SPEG: variants seen among roughly 807,000 people sequenced by gnomAD.
SPEG encodes striated muscle preferentially expressed protein kinase.
In SPEG, 114 loss-of-function variants were observed where a neutral mutation model predicts 300.4. The observed-to-expected ratio is 0.38, with a 90% CI of 0.33 to 0.44. SPEG has a LOEUF of 0.44. Among genes scored for constraint, SPEG ranks in the 20% least tolerant of loss-of-function variants. SPEG has a pLI of 1.00. For missense variants in SPEG, 4,201 were observed against 4,586.2 expected, an observed-to-expected ratio of 0.92 and a Z score of 2.43; for synonymous variants, 1,964 against 2,018.9, an observed-to-expected ratio of 0.97 and a Z score of 0.73.
intron 6 of SPEG, chr2:219,461,092 C>G: frequency 1.1e-6 from 1 of 902,570 alleles, no homozygotes; most frequent in African/African-American, 1.8e-5. Flanking sequence ...ATTTGGCAGT[C>G]GGATAGGAGC....
At position 219,467,265 on chromosome 2, in the gene SPEG, G is replaced by A. The variant is rs1034990892; in HGVS notation, c.2973G>A (p.Val991=). ...AGEMALFECL[V]AGPTDVEVDW... ...AGATGGCGCTGTTTGAGTGCCTGGT[G>A]GCGGGGCCCACTGACGTGGAGGTGG... The change falls in exon 10 of 41, where the codon GTG becomes GTA. Residue 991 remains valine, a synonymous_variant. Transcript: ENST00000312358. The A allele has an allele frequency of 1.9e-6, 3 of 1,608,512 alleles. No homozygotes were observed. Among genetic ancestry groups the A allele is most frequent in the African/African-American group, 2.7e-5 (2 of 74,934 alleles).
At position 219,483,105 on chromosome 2, in the gene SPEG, A is replaced by T. The variant is rs781506501; in HGVS notation, c.5642A>T (p.Gln1881Leu). 6.2e-7 allele frequency: 1 copy of T among 1,606,602 alleles called. No individual in the cohort carries two copies. The highest frequency in any genetic ancestry group is 8.5e-7 in the Non-Finnish European group (1 of 1,179,008). The change falls in exon 30 of 41, where the codon CAG (glutamine) becomes CTG (leucine). Residue 1881 changes from glutamine to leucine, a missense_variant. Physicochemically the swap from Gln to Leu is moderately radical, Grantham distance 113. This residue lies in a region of SPEG where 1,578 missense variants were observed against 1,506.0 expected (regional missense o/e 1.05). Transcript: ENST00000312358. ...CCAGTACCCTGTCTCCAGCGCTCCC[A>T]GATCAGCTACAAATGCCACCTGGTG... Reference protein sequence around the residue: ...FLSRRRWQRSQISYKCHLVLR... With the variant: ...FLSRRRWQRSLISYKCHLVLR...
Position 219,465,947 on chromosome 2 carries a change from G to T in SPEG, c.2882-1227G>T. 7 of 898,040 alleles carry T rather than the reference G, an allele frequency of 7.8e-6. No individual in the cohort carries two copies. In the South Asian group the frequency reaches 8.8e-5, roughly 11 times the overall value. 55.6% of individuals were successfully genotyped at this position (898,040 alleles called of 1,614,324 possible). A position where few individuals can be genotyped will look rare whatever the true frequency, so the allele number is the denominator to read the frequency against. ...TGCGCGCGTGTGCGTGCACGTGTGCGTGCATGTGTGCGTGTGCATGCGTGT... is the reference window on the plus strand; with the variant it reads ...TGCGCGCGTGTGCGTGCACGTGTGCTTGCATGTGTGCGTGTGCATGCGTGT... On this transcript the variant is annotated intron_variant, in intron 9 of 40. Transcript: ENST00000312358.
rs1575155090 is a variant in SPEG at position 219,479,254 on chromosome 2, G to C, written c.5085+53G>C. Reference sequence around the variant, plus strand: ...GTTGGGCACCAGCCTTCACCCACCTGAGCTTTGAGAACCAACAAATGGGTC... The same window carrying C: ...GTTGGGCACCAGCCTTCACCCACCTCAGCTTTGAGAACCAACAAATGGGTC... On this transcript the variant is annotated intron_variant, in intron 23 of 40. Transcript: ENST00000312358. The surrounding 1 kb of genome is among the most constrained non-coding windows in gnomAD (Gnocchi z 5.5). 2.6e-6 allele frequency: 4 copies of C among 1,512,890 alleles called. No homozygotes were observed. In the East Asian group the frequency reaches 9.0e-5, roughly 34 times the overall value. 93.7% of individuals were successfully genotyped at this position (1,512,890 alleles called of 1,614,324 possible).
chr2:219,440,629 C>T (rs1954838306), intron 1 of SPEG, among the ~76,000 whole-genome samples: 1 of 151,540 alleles, frequency 6.6e-6, no homozygotes, highest in Non-Finnish European at 1.5e-5. Flanking sequence ...CTCTGTCACC[C>T]AGGTTGGAGT....
chr2:219,467,181 T>C lies in SPEG; in HGVS notation c.2889T>C (p.Pro963=). 1 of 1,577,698 alleles carries C rather than the reference T, an allele frequency of 6.3e-7. No homozygotes were observed. Among genetic ancestry groups the C allele is most frequent in the South Asian group, 1.1e-5 (1 of 87,526 alleles). The change falls in exon 10 of 41, where the codon CCT becomes CCC. Residue 963 remains proline (P), a synonymous_variant. Transcript: ENST00000312358. ...CEARLEVRAH[P]ESRSLAVLAP... is the part of the protein sequence containing the mutation. ...TGGCTGCTTTCCCCTCAGCACACCC[T>C]GAAAGCCGGTCCCTGGCCGTGCTGG... is the stretch of plus-strand genomic sequence containing the variant.
At chr2:219,447,867 C>A (rs1689433470) in intron 3 of SPEG, 107 bp from the exon 4 acceptor site, 1 of 1,060,518 alleles carries the variant, frequency 9.4e-7, no homozygotes, top group Non-Finnish European at 1.4e-6. Context: ...GCCCATGTCA[C>A]CCCCAAGCCT....
chr2:219,480,086 T>C lies in SPEG; in HGVS notation c.5288T>C (p.Phe1763Ser). Residue 1763 changes from phenylalanine (F) to serine (S), a missense_variant, in exon 25 of 41, where the codon TTT becomes TCT. Phe to Ser is a radical substitution (Grantham distance 155). This residue lies in a region of SPEG where 1,047 missense variants were observed against 1,356.8 expected (regional missense o/e 0.77). Coordinates refer to ENST00000312358, the MANE Select transcript of SPEG (RefSeq NM_005876.5). This position sits in a 1 kb window ranked among gnomAD's most constrained non-coding sequence, Gnocchi z 5.3. ...TACTGCCAGTATGGCACACCTGAGTTTGTAGCACCCGAGATTGTCAATCAG... is the reference window on the plus strand; with the variant it reads ...TACTGCCAGTATGGCACACCTGAGTCTGTAGCACCCGAGATTGTCAATCAG... ...PQYCQYGTPE[F>S]VAPEIVNQSP... 6.2e-7 allele frequency: 1 copy of C among 1,613,914 alleles called. No homozygotes were observed. The highest frequency in any genetic ancestry group is 8.5e-7 in the Non-Finnish European group (1 of 1,180,002).
chr2:219,486,978 T>C (rs2125577400), intron 31 of SPEG, among the ~76,000 whole-genome samples: 1 of 152,198 alleles, frequency 6.6e-6, no homozygotes, highest in African/African-American at 2.4e-5. Context: ...TGCTGAGTAC[T>C]CCTCTTCTGC....
intron 10 of SPEG, among the ~76,000 whole-genome samples, chr2:219,467,936 C>G (rs1040464479): frequency 6.6e-5 from 10 of 152,240 alleles, no homozygotes; most frequent in Non-Finnish European, 1.2e-4. Flanking sequence ...TAATAAATGC[C>G]AGCCATTGTT....
intron 18 of SPEG, among the ~76,000 whole-genome samples, chr2:219,476,416 C>T (rs1692346123): frequency 1.3e-5 from 2 of 152,122 alleles, no homozygotes; most frequent in African/African-American, 4.8e-5. Context: ...AGCGGGTGGC[C>T]CTGTGAAGAA....
Position 219,477,886 on chromosome 2 carries a change from C to T in SPEG, c.4827-19C>T. ...CCACAGTGATGGCTGATCTCTGACCCCCTCCCTGTGTCAACCAGGGGTGCT... is the reference window on the plus strand; with the variant it reads ...CCACAGTGATGGCTGATCTCTGACCTCCTCCCTGTGTCAACCAGGGGTGCT... On this transcript the variant is annotated intron_variant, in intron 21 of 40. Transcript: ENST00000312358. This position sits in a 1 kb window ranked among gnomAD's most constrained non-coding sequence, Gnocchi z 6.4. The T allele has an allele frequency of 6.2e-7, 1 of 1,612,194 alleles. No homozygotes were observed. The highest frequency in any genetic ancestry group is 8.5e-7 in the Non-Finnish European group (1 of 1,178,572).
chr2:219,493,043 A>T lies in SPEG; in HGVS notation c.*257A>T, dbSNP rs962410659. 2.9e-6 allele frequency: 2 copies of T among 690,884 alleles called. No homozygotes were observed. Among genetic ancestry groups the T allele is most frequent in the African/African-American group, 3.5e-5 (2 of 57,016 alleles). 42.8% of individuals were successfully genotyped at this position (690,884 alleles called of 1,614,324 possible). A position where few individuals can be genotyped will look rare whatever the true frequency, so the allele number is the denominator to read the frequency against. Reference sequence around the variant, plus strand: ...GGGTGGGAACAGGCAGAGGGACAAGAGGGGAATGGAGAAGTGGAGAGGAAA... The same window carrying T: ...GGGTGGGAACAGGCAGAGGGACAAGTGGGGAATGGAGAAGTGGAGAGGAAA... On this transcript the variant is annotated 3_prime_UTR_variant, in exon 41 of 41. Transcript: ENST00000312358.
At position 219,446,975 on chromosome 2, in the gene SPEG, CT is replaced by C. The variant is rs61280107; in HGVS notation, c.816-983del. On this transcript the variant is annotated intron_variant, in intron 3 of 40. Coordinates refer to ENST00000312358, the MANE Select transcript of SPEG (RefSeq NM_005876.5). ...TCAGGTATGATAATACATTTAATTC[CT>C]TTTTTTTTTTTTTTTGCTTATCTTT... is the stretch of plus-strand genomic sequence containing the variant. Among the ~76,000 whole-genome samples, 416 of 122,242 alleles carry C rather than the reference CT, an allele frequency of 3.4e-3. 1 individual carries two copies. The highest frequency in any genetic ancestry group is 0.018 in the East Asian group (73 of 4,118). The allele number at this position is 122,242 out of a possible 152,430, so 80.2% of individuals were successfully genotyped here.
At position 219,439,382 on chromosome 2, in the gene SPEG, C is replaced by T. The variant is rs1303604767; in HGVS notation, c.388+4017C>T. 6.6e-6 allele frequency among the ~76,000 whole-genome samples: 1 copy of T among 151,886 alleles called. No homozygotes were observed. Among genetic ancestry groups the T allele is most frequent in the Non-Finnish European group, 1.5e-5 (1 of 67,996 alleles). ...TAACTTTCTAGTGAGGGGAGACAGACAATACACAATAAACATAGTAAATAG... is the reference window on the plus strand; with the variant it reads ...TAACTTTCTAGTGAGGGGAGACAGATAATACACAATAAACATAGTAAATAG... On this transcript the variant is annotated intron_variant, in intron 1 of 40. Transcript: ENST00000312358. The surrounding 1 kb of genome is among the most constrained non-coding windows in gnomAD (Gnocchi z 4.5).
chr2:219,439,669 C>A lies in SPEG; in HGVS notation c.388+4304C>A, dbSNP rs1345243393. Among the ~76,000 whole-genome samples the A allele has an allele frequency of 6.6e-6, 1 of 152,172 alleles. No individual in the cohort carries two copies. The highest frequency in any genetic ancestry group is 2.4e-5 in the African/African-American group (1 of 41,436). ...CAATCTGGGGCCAGCTGGGGAGGCCCACCCAGAGAGCATGTTCCAGGCCAG... is the reference window on the plus strand; with the variant it reads ...CAATCTGGGGCCAGCTGGGGAGGCCAACCCAGAGAGCATGTTCCAGGCCAG... On this transcript the variant is annotated intron_variant, in intron 1 of 40. Transcript: ENST00000312358. This position sits in a 1 kb window ranked among gnomAD's most constrained non-coding sequence, Gnocchi z 4.5.
At position 219,451,080 on chromosome 2, in the gene SPEG, G is replaced by C; in HGVS notation, c.2114-56G>C. The stretch of plus-strand genomic sequence containing the variant: ...GCAGGCCACCAGGACTCTCTCTCCC[G>C]CTGTCATCCCTGCAGGGATCATGGC... On this transcript the variant is annotated intron_variant, in intron 4 of 40. Transcript: ENST00000312358. The surrounding 1 kb of genome is among the most constrained non-coding windows in gnomAD (Gnocchi z 6.4). 6.8e-7 allele frequency: 1 copy of C among 1,473,188 alleles called. No homozygotes were observed. Among genetic ancestry groups the C allele is most frequent in the Non-Finnish European group, 9.0e-7 (1 of 1,111,036 alleles). 91.3% of individuals were successfully genotyped at this position (1,473,188 alleles called of 1,614,324 possible). A position where few individuals can be genotyped will look rare whatever the true frequency, so the allele number is the denominator to read the frequency against.
At chr2:219,491,933 C>A (rs1694010080) in intron 39 of SPEG, 64 bp downstream of exon 39, 1 of 1,438,472 alleles carries the variant, frequency 7.0e-7, no homozygotes, top group African/African-American at 1.4e-5. Flanking sequence ...GACTCACCTT[C>A]TGCCAACACC....
rs1228234189 is a variant in SPEG, at chr2:219,449,022, A to C, written c.1864A>C (p.Arg622=). Residue 622 remains arginine (R), a synonymous_variant, in exon 4 of 41, where the codon AGG becomes CGG. Transcript: ENST00000312358. ...PPPAADPPEA[R]TKAPPGRKRE... is the part of the protein sequence containing the mutation. ...CCCCGCCGCCGATCCCCCAGAGGCC[A>C]GGACGAAAGCACCCCCCGGTCGGAA... The C allele has an allele frequency of 6.6e-7, 1 of 1,518,978 alleles. No individual in the cohort carries two copies. Among genetic ancestry groups the C allele is most frequent in the Non-Finnish European group, 8.8e-7 (1 of 1,133,716 alleles). The allele number at this position is 1,518,978 out of a possible 1,614,324, so 94.1% of individuals were successfully genotyped here. A position where few individuals can be genotyped will look rare whatever the true frequency, so the allele number is the denominator to read the frequency against.
Sources: gnomAD v4.1 joint callset for allele counts (sites outside exome capture counted in the v4.1 genomes callset) on GRCh38, gnomAD v4.1.1 for gene constraint, gnomAD v4.1.1 regional missense constraint, Gnocchi (gnomAD v3.1) non-coding constraint, MANE v1.5 for transcripts, NCBI Gene and HGNC (gene_info 2026-07-23, HGNC 2026-07-21) for gene names.